Variants in PDE10A observed in about 807,000 individuals in gnomAD.
The protein encoded by PDE10A is phosphodiesterase 10A, also known as cAMP and cAMP-inhibited cGMP 3',5'-cyclic phosphodiesterase 10A.
In PDE10A, 39 loss-of-function variants were observed where a neutral mutation model predicts 97.7. The observed-to-expected ratio is 0.40, with a 90% CI of 0.31 to 0.52. The LOEUF (loss-of-function observed/expected upper bound fraction) is 0.52, where lower values mean the gene tolerates loss of function less well. PDE10A is among the 20% of genes least tolerant of loss of function. The pLI, the probability that PDE10A is intolerant of heterozygous loss-of-function variation, is 0.56. For synonymous variants in PDE10A, 371 were observed against 376.8 expected (o/e 0.98, Z 0.18); for missense variants, 731 against 1,047.8 (o/e 0.70, Z 4.17).
At chr6:165,636,651 A>G (rs558326600) in intron 1 of PDE10A, among the ~76,000 whole-genome samples, 1 of 152,342 alleles carries the variant, frequency 6.6e-6, no homozygotes, top group South Asian at 2.1e-4. Context: ...TACGGTTCAC[A>G]AAAGGACATT....
chr6:165,576,298 G>A (rs1785301214), intron 1 of PDE10A: 1 of 700,024 alleles, frequency 1.4e-6, no homozygotes, highest in Admixed American at 2.1e-5. Flanking sequence ...CTCATCAATT[G>A]ATAATTTTAA....
chr6:165,623,260 G>A (rs1431417978), intron 1 of PDE10A, among the ~76,000 whole-genome samples: 2 of 148,712 alleles, frequency 1.3e-5, no homozygotes, highest in Non-Finnish European at 2.9e-5. Context: ...CGAGTAGCTG[G>A]GATTACAGGC....
At chr6:165,582,615 G>GA (rs1785679662) in intron 1 of PDE10A, among the ~76,000 whole-genome samples, 3 of 147,516 alleles carry the variant, frequency 2.0e-5, no homozygotes, top group African/African-American at 5.0e-5. Context: ...CAACTCAAAG[G>GA]AAAAAAAATA....
intron 3 of PDE10A, among the ~76,000 whole-genome samples, chr6:165,453,311 G>A (rs951931863): frequency 2.6e-4 from 40 of 152,244 alleles, no homozygotes; most frequent in African/African-American, 8.7e-4. Context: ...TACGTTAAGT[G>A]TGAAAAGACA....
intron 13 of PDE10A, among the ~76,000 whole-genome samples, chr6:165,404,908 T>C (rs991795446): frequency 6.6e-5 from 10 of 152,136 alleles, no homozygotes; most frequent in Non-Finnish European, 1.3e-4. Flanking sequence ...TCTTTCTCAG[T>C]AGAGTTGTAT....
rs566732061 is a variant in PDE10A at position 165,580,833 on chromosome 6, C to T, written c.866-37265G>A. On this transcript the variant is annotated intron_variant, in intron 1 of 21. Coordinates refer to ENST00000539869, the MANE Select transcript of PDE10A (RefSeq NM_001385079.1). The stretch of plus-strand genomic sequence containing the variant: ...AGAAGACGGTAAGTCTCCTACCCAA[C>T]GAGAAAGAAGATGGTAAGTCTCCTA... Among the ~76,000 whole-genome samples the T allele has an allele frequency of 6.1e-4, 92 of 150,226 alleles. 1 individual carries two copies. The highest frequency in any genetic ancestry group is 2.0e-3 in the African/African-American group (82 of 40,790).
intron 1 of PDE10A, among the ~76,000 whole-genome samples, chr6:165,897,662 G>A (rs1186201452): frequency 3.8e-5 from 5 of 131,824 alleles, no homozygotes; most frequent in Admixed American, 8.6e-5. Context: ...TTCTTGCTTT[G>A]CTTCCTGCCC....
chr6:165,736,816 A>G (rs1329307412), intron 1 of PDE10A, among the ~76,000 whole-genome samples: 2 of 152,252 alleles, frequency 1.3e-5, no homozygotes, highest in Non-Finnish European at 2.9e-5. Context: ...TCAGAGCAGA[A>G]ATAAATGACA....
chr6:165,666,197 C>G (rs1195001907), upstream of PDE10A, among the ~76,000 whole-genome samples: 1 of 152,178 alleles, frequency 6.6e-6, no homozygotes, highest in Non-Finnish European at 1.5e-5. Context: ...TGTGTCTTAA[C>G]TGATTTTAGT....
intron 1 of PDE10A, among the ~76,000 whole-genome samples, chr6:165,795,463 T>G (rs746007555): frequency 2.8e-4 from 43 of 152,090 alleles, no homozygotes; most frequent in Non-Finnish European, 5.1e-4. Flanking sequence ...CGGTGGCTCA[T>G]ACCTGTAGTC....
intron 1 of PDE10A, among the ~76,000 whole-genome samples, chr6:165,639,751 A>T (rs1260222721): frequency 6.6e-6 from 1 of 151,076 alleles, no homozygotes; most frequent in East Asian, 2.0e-4. Context: ...AAAAAAAAAA[A>T]AAAAAAAGAG....
chr6:165,617,768 A>G (rs921088692), intron 1 of PDE10A, among the ~76,000 whole-genome samples: 1 of 152,196 alleles, frequency 6.6e-6, no homozygotes, highest in African/African-American at 2.4e-5. Context: ...AGGTTATCAC[A>G]CACAACATCA....
intron 18 of PDE10A, among the ~76,000 whole-genome samples, chr6:165,357,521 GGTTTGTTT>G (rs369349670): frequency 1.3e-5 from 2 of 152,022 alleles, no homozygotes; most frequent in South Asian, 2.1e-4. Context: ...AGGGATGGGT[GGTTTGTTT>G]GTTTGTTTGT....
At chr6:165,947,839 A>T (rs905379364) in intron 1 of PDE10A, among the ~76,000 whole-genome samples, 1 of 152,208 alleles carries the variant, frequency 6.6e-6, no homozygotes, top group Admixed American at 6.5e-5. Context: ...ACACAGCAAG[A>T]CATCACTTAC....
chr6:165,567,424 A>G (rs1784828516), intron 1 of PDE10A, among the ~76,000 whole-genome samples: 1 of 152,236 alleles, frequency 6.6e-6, no homozygotes, highest in Non-Finnish European at 1.5e-5. Flanking sequence ...ATTTTTAAAA[A>G]TACATAGCCA....
At chr6:165,924,314 A>G (rs1583290766) in intron 1 of PDE10A, among the ~76,000 whole-genome samples, 1 of 152,022 alleles carries the variant, frequency 6.6e-6, no homozygotes, top group Admixed American at 6.5e-5. Flanking sequence ...GGTAAAATTC[A>G]TGGTCTCCAT....
chr6:165,560,269 T>C (rs73022105), intron 1 of PDE10A, among the ~76,000 whole-genome samples: 8,189 of 152,224 alleles, frequency 0.054, 269 homozygotes, highest in Admixed American at 0.1. Flanking sequence ...AGCCATATGC[T>C]AAGAAATGTA....
At chr6:165,979,098 A>G (rs1055235672) in intron 1 of PDE10A, among the ~76,000 whole-genome samples, 1 of 152,362 alleles carries the variant, frequency 6.6e-6, no homozygotes, top group African/African-American at 2.4e-5. Context: ...TTTATTACTC[A>G]GAGTGAGGCT....
chr6:165,850,099 G>A (rs960795922), intron 1 of PDE10A, among the ~76,000 whole-genome samples: 9 of 152,094 alleles, frequency 5.9e-5, no homozygotes, highest in African/African-American at 2.2e-4. Flanking sequence ...TAACAAAATC[G>A]ATCCTCTTCC....
Sources: gnomAD v4.1 joint callset for allele counts (sites outside exome capture counted in the v4.1 genomes callset) on GRCh38, gnomAD v4.1.1 for gene constraint, MANE v1.5 for transcripts, NCBI Gene and HGNC (gene_info 2026-07-23, HGNC 2026-07-21) for gene names.